The following RYR3 variants were observed in gnomAD, a reference collection of about 807,000 sequenced individuals.
RYR3 encodes the protein ryanodine receptor 3.
In RYR3, 207 loss-of-function variants were observed where a neutral mutation model predicts 584.3. That is an observed-to-expected ratio of 0.35 (90% CI 0.32 to 0.40). The LOEUF (loss-of-function observed/expected upper bound fraction) is 0.40. RYR3 is among the 10% of genes least tolerant of loss of function. The pLI, the probability that RYR3 is intolerant of heterozygous loss-of-function variation, is 1.00. For synonymous variants in RYR3, 2,416 were observed against 2,248.5 expected (o/e 1.07, Z -2.11); for missense variants, 5,616 against 6,089.2 (o/e 0.92, Z 2.59).
chr15:33,799,210 T>C (rs528413800), intron 67 of RYR3, among the ~76,000 whole-genome samples: 1 of 152,326 alleles, frequency 6.6e-6, no homozygotes, highest in Admixed American at 6.5e-5. Flanking sequence ...TCTTCTGTTA[T>C]TCATAATAAG....
chr15:33,701,363 C>T (rs1396666602), intron 42 of RYR3, among the ~76,000 whole-genome samples: 2 of 152,116 alleles, frequency 1.3e-5, no homozygotes, highest in Admixed American at 6.5e-5. Context: ...TACCAGATGC[C>T]GGTGGTTCCT....
rs748001565 is a variant in RYR3, at chr15:33,699,674, T to C, written c.6250-30T>C. The C allele has an allele frequency of 4.4e-6, 7 of 1,604,856 alleles. No homozygotes were observed. In the Admixed American group the frequency reaches 5.0e-5, roughly 12 times the overall value. On this transcript the variant is annotated intron_variant, in intron 40 of 103. Transcript: ENST00000634891. ...CAGAAAGGCCTCATGATAGATTCTT[T>C]TGTCTGACACTTTCTACTTCTCCCT...
In RYR3 at chr15:33,866,068, A is replaced by G. The variant is rs140804358; in HGVS notation, c.*842A>G. ...TAGGTGAATCTCCTCAAATACAATGAAGTGCCCACTGCAATAAAGTAATAC... is the reference window on the plus strand; with the variant it reads ...TAGGTGAATCTCCTCAAATACAATGGAGTGCCCACTGCAATAAAGTAATAC... On this transcript the variant is annotated 3_prime_UTR_variant, in exon 104 of 104. Coordinates refer to ENST00000634891, the MANE Select transcript of RYR3 (RefSeq NM_001036.6). The G allele has an allele frequency of 3.7e-3, 585 of 156,024 alleles. 3 individuals are homozygous for G. The highest frequency in any genetic ancestry group is 6.8e-3 in the Non-Finnish European group (476 of 70,006). The allele number at this position is 156,024 out of a possible 1,614,324, so 9.7% of individuals were successfully genotyped here. A position where few individuals can be genotyped will look rare whatever the true frequency, so the allele number is the denominator to read the frequency against.
At chr15:33,842,939 T>C (rs1009438308) in intron 91 of RYR3, among the ~76,000 whole-genome samples, 1 of 152,222 alleles carries the variant, frequency 6.6e-6, no homozygotes, top group Non-Finnish European at 1.5e-5. Flanking sequence ...CAGGATTCTT[T>C]ATACCAATTC....
chr15:33,757,412 A>T, intron 59 of RYR3, 63 bp from the exon 60 acceptor site: 1 of 1,543,474 alleles, frequency 6.5e-7, no homozygotes, highest in Non-Finnish European at 8.8e-7. Context: ...AAACACTTTT[A>T]AATGAACCAA....
At position 33,860,824 on chromosome 15, in the gene RYR3, C is replaced by T. The variant is rs949367524; in HGVS notation, c.14364+165C>T. On this transcript the variant is annotated intron_variant, in intron 101 of 103. Coordinates refer to ENST00000634891, the MANE Select transcript of RYR3 (RefSeq NM_001036.6). The stretch of plus-strand genomic sequence containing the variant: ...GCACCCTGCCATACCCCTGCCAGGC[C>T]GGCCACTCTGCTGCCTCCTCCACTG... 3.3e-5 allele frequency among the ~76,000 whole-genome samples: 5 copies of T among 151,034 alleles called. No homozygotes were observed. The East Asian group carries it at 5.8e-4, about 17-fold the overall frequency.
chr15:33,706,362 G>T (rs965197789), intron 42 of RYR3, among the ~76,000 whole-genome samples: 2 of 151,986 alleles, frequency 1.3e-5, no homozygotes, highest in Admixed American at 1.3e-4. Context: ...TGAAATTCTA[G>T]ACCCACTTAA....
chr15:33,862,969 ATTTATCATCAATTCCCATT>A (rs1038546132), intron 102 of RYR3, among the ~76,000 whole-genome samples: 1 of 152,158 alleles, frequency 6.6e-6, no homozygotes, highest in Non-Finnish European at 1.5e-5. Flanking sequence ...CCTCATGAGT[ATTTATCATCAATTCCCATT>A]AAGAGAATAT....
intron 44 of RYR3, among the ~76,000 whole-genome samples, chr15:33,723,244 G>C (rs1297364609): frequency 6.6e-6 from 1 of 152,182 alleles, no homozygotes; most frequent in Non-Finnish European, 1.5e-5. Context: ...TCAGTATTTT[G>C]TCCCACGGTG....
chr15:33,431,466 G>A (rs1355007968), intron 1 of RYR3, among the ~76,000 whole-genome samples: 3 of 152,116 alleles, frequency 2.0e-5, no homozygotes, highest in Non-Finnish European at 2.9e-5. Flanking sequence ...TTCTACTTCT[G>A]AAAAGGAAGA....
chr15:33,401,532 G>T (rs1031114655), intron 1 of RYR3, among the ~76,000 whole-genome samples: 2 of 152,152 alleles, frequency 1.3e-5, no homozygotes, highest in East Asian at 3.8e-4. Flanking sequence ...GTAGAAATTC[G>T]AGAATTTCTG....
At chr15:33,776,764 T>A (rs1028620752) in intron 64 of RYR3, among the ~76,000 whole-genome samples, 29 of 152,058 alleles carry the variant, frequency 1.9e-4, no homozygotes, top group Non-Finnish European at 3.7e-4. Flanking sequence ...ATTATTATTA[T>A]TACTTTGATG....
At chr15:33,481,412 A>T (rs1474626896) in intron 2 of RYR3, among the ~76,000 whole-genome samples, 1 of 152,154 alleles carries the variant, frequency 6.6e-6, no homozygotes. Flanking sequence ...TAAATAAAGT[A>T]AAGTTATGAC....
chr15:33,526,017 C>T (rs189734087), intron 3 of RYR3, among the ~76,000 whole-genome samples: 1 of 152,302 alleles, frequency 6.6e-6, no homozygotes, highest in Admixed American at 6.5e-5. Context: ...AGCAAGGAGC[C>T]TTCCTGAGGC....
intron 3 of RYR3, among the ~76,000 whole-genome samples, chr15:33,510,304 T>C (rs2052867662): frequency 6.6e-6 from 1 of 152,208 alleles, no homozygotes; most frequent in South Asian, 2.1e-4. Context: ...ATCACTTAGA[T>C]GCAAAGTCCT....
intron 40 of RYR3, among the ~76,000 whole-genome samples, chr15:33,699,372 ACTCTCTCTCCTCT>A (rs773041780): frequency 2.6e-5 from 3 of 116,392 alleles, no homozygotes; most frequent in Non-Finnish European, 3.5e-5. Context: ...CATCTCACTC[ACTCTCTCTCCTCT>A]CTCTCTCTCT....
intron 67 of RYR3, among the ~76,000 whole-genome samples, chr15:33,799,018 G>A (rs888284067): frequency 1.3e-5 from 2 of 152,134 alleles, no homozygotes; most frequent in African/African-American, 2.4e-5. Flanking sequence ...GAGGCAAGAG[G>A]CATCAGGTTT....
In RYR3 at chr15:33,865,130, G is replaced by GGAATCTTATGTCTGGA; in HGVS notation, c.14518_14533dup (p.Lys4845ArgfsTer20). 1 of 1,610,456 alleles carries GGAATCTTATGTCTGGA rather than the reference G, an allele frequency of 6.2e-7. No individual in the cohort carries two copies. The highest frequency in any genetic ancestry group is 8.5e-7 in the Non-Finnish European group (1 of 1,177,400). On this transcript the variant is annotated frameshift_variant and splice_region_variant. Coordinates refer to ENST00000634891, the MANE Select transcript of RYR3 (RefSeq NM_001036.6). LOFTEE classifies it high-confidence loss of function. ...AGCACCCGTTGTTCATATTATTTCAGGAATCTTATGTCTGGAAGATGTACC... is the reference window on the plus strand; with the variant it reads ...AGCACCCGTTGTTCATATTATTTCAGGAATCTTATGTCTGGAGAATCTTATGTCTGGAAGATGTACC...
At chr15:33,519,177 A>G (rs949222773) in intron 3 of RYR3, among the ~76,000 whole-genome samples, 15 of 152,180 alleles carry the variant, frequency 9.9e-5, no homozygotes, top group African/African-American at 3.6e-4. Flanking sequence ...TTGATGTGGT[A>G]AAGACAGGTG....
Sources: allele counts gnomAD v4.1 joint callset (sites outside exome capture counted in the v4.1 genomes callset), GRCh38; gene constraint gnomAD v4.1.1; transcripts MANE v1.5; gene names NCBI Gene and HGNC (gene_info 2026-07-23, HGNC 2026-07-21).